LRRC43: variants seen among roughly 807,000 people sequenced by gnomAD.
LRRC43 encodes the protein leucine-rich repeat-containing protein 43.
Under a neutral mutation model 64.3 loss-of-function variants are expected in LRRC43, and 62 were observed. The ratio of observed to expected loss-of-function variants is 0.96; its 90% CI spans 0.79 to 1.19. LRRC43 has a LOEUF of 1.19. LRRC43 is among the 50% of genes most tolerant of loss of function. The pLI, the probability that LRRC43 is intolerant of heterozygous loss-of-function variation, is 0.00. For synonymous variants in LRRC43, 422 were observed against 382.3 expected (o/e 1.10, Z -1.21); for missense variants, 868 against 845.0 (o/e 1.03, Z -0.34).
chr12:122,181,941 C>G (rs1209405915), upstream of LRRC43, among the ~76,000 whole-genome samples: 1 of 151,840 alleles, frequency 6.6e-6, no homozygotes, highest in African/African-American at 2.4e-5. Context: ...GTCCCGATAT[C>G]GTATAGTCAA....
At chr12:122,172,470 T>G (rs756888105) in intron 1 of LRRC43, 3 of 1,614,228 alleles carry the variant, frequency 1.9e-6, no homozygotes, top group Non-Finnish European at 2.5e-6. Flanking sequence ...GTCCATGCAC[T>G]CTGAAAACTG....
At chr12:122,195,902 C>T (rs1392953530) in intron 7 of LRRC43, among the ~76,000 whole-genome samples, 1 of 152,126 alleles carries the variant, frequency 6.6e-6, no homozygotes, top group Non-Finnish European at 1.5e-5. Flanking sequence ...TCAGAAAACC[C>T]AAGGGAAACC....
intron 1 of LRRC43, among the ~76,000 whole-genome samples, chr12:122,170,414 A>G (rs1216337807): frequency 2.6e-5 from 4 of 152,020 alleles, no homozygotes; most frequent in African/African-American, 9.6e-5. Context: ...GGCGGATCAC[A>G]AGGTCAGGAG....
intron 1 of LRRC43, chr12:122,172,216 C>T: frequency 1.8e-6 from 1 of 545,330 alleles, no homozygotes; most frequent in Non-Finnish European, 3.3e-6. Flanking sequence ...AGACTAATAA[C>T]AATAACCTAA....
At chr12:122,169,442 G>T (rs11058875) in intron 1 of LRRC43, among the ~76,000 whole-genome samples, 1 of 151,986 alleles carries the variant, frequency 6.6e-6, no homozygotes, top group African/African-American at 2.4e-5. Flanking sequence ...CTAGTTGGGC[G>T]CAGTGGCTCA....
intron 4 of LRRC43, chr12:122,189,334 C>G: frequency 4.6e-6 from 2 of 439,090 alleles, no homozygotes; most frequent in South Asian, 3.3e-5. Context: ...ATGCCTGGAG[C>G]GGGCGGACGC....
intron 7 of LRRC43, among the ~76,000 whole-genome samples, chr12:122,199,836 G>A (rs996992140): frequency 6.6e-5 from 10 of 151,482 alleles, no homozygotes; most frequent in Admixed American, 1.3e-4. Context: ...CTCCTGTCTC[G>A]GCTTCCCAAA....
At chr12:122,172,832 G>T (rs1374575094) in intron 1 of LRRC43, 8 of 995,056 alleles carry the variant, frequency 8.0e-6, no homozygotes, top group Non-Finnish European at 1.2e-5. Flanking sequence ...TCCGTAACCC[G>T]CCTCGTTGAT....
chr12:122,185,914 C>T (rs1485399921), intron 2 of LRRC43, among the ~76,000 whole-genome samples: 1 of 152,194 alleles, frequency 6.6e-6, no homozygotes, highest in African/African-American at 2.4e-5. Context: ...AGAGAGGTTC[C>T]TGCCCTCGCA....
intron 7 of LRRC43, among the ~76,000 whole-genome samples, chr12:122,193,381 TAAAAAAAAAAAA>T (rs34910328): frequency 2.8e-4 from 13 of 47,184 alleles, no homozygotes; most frequent in East Asian, 8.3e-4. Context: ...CTCCGTCTCA[TAAAAAAAAAAAA>T]AAAAAAAAAA....
chr12:122,183,378 C>T (rs1489288540), intron 1 of LRRC43, 84 bp downstream of exon 1: 2 of 1,336,852 alleles, frequency 1.5e-6, no homozygotes, highest in Non-Finnish European at 1.9e-6. Context: ...GGGCTGGTCC[C>T]TGGGGCCTGG....
chr12:122,180,560 G>T (rs985333323), upstream of LRRC43, among the ~76,000 whole-genome samples: 11 of 152,084 alleles, frequency 7.2e-5, no homozygotes, highest in African/African-American at 2.7e-4. Context: ...AGACCACTGT[G>T]TCAAGAAGCT....
At chr12:122,189,303 T>G (rs1269406153) in intron 4 of LRRC43, 2 of 407,892 alleles carry the variant, frequency 4.9e-6, no homozygotes, top group Non-Finnish European at 9.8e-6. Context: ...GGGCATGCCC[T>G]TGGGGGGTCC....
chr12:122,195,911 C>A (rs958326958), intron 7 of LRRC43, among the ~76,000 whole-genome samples: 14 of 152,156 alleles, frequency 9.2e-5, no homozygotes, highest in African/African-American at 3.4e-4. Flanking sequence ...CCAAGGGAAA[C>A]CTGGAGTGTT....
rs150153906 is a variant in LRRC43, at chr12:122,200,300, G to A, written c.1461G>A (p.Ala487=). The A allele has an allele frequency of 5.0e-6, 8 of 1,612,076 alleles. No homozygotes were observed. Among genetic ancestry groups the A allele is most frequent in the Admixed American group, 1.7e-5 (1 of 60,020 alleles). Residue 487 remains alanine (A), a synonymous_variant, in exon 8 of 12, where the codon GCG becomes GCA. Transcript: ENST00000339777. The surrounding 1 kb of genome is among the most constrained non-coding windows in gnomAD (Gnocchi z 4.6). ...TCCCACTGAAGGCCTTCCTGCTGGCGGGGACCACCGTGACCATCGTGGAGG... is the reference window on the plus strand; with the variant it reads ...TCCCACTGAAGGCCTTCCTGCTGGCAGGGACCACCGTGACCATCGTGGAGG... ...DLVPLKAFLL[A]GTTVTIVEEK...
At position 122,190,320 on chromosome 12, in the gene LRRC43, G is replaced by A. The variant is rs201401336; in HGVS notation, c.853G>A (p.Val285Met). The part of the protein sequence containing the change: ...AQLCVLDDIT[V>M]SPNEKHLFRG... The stretch of plus-strand genomic sequence containing the variant: ...GCTCTGCGTGCTGGACGACATCACC[G>A]TGTCTCCCAATGAGAAGCATCTCTT... The change falls in exon 5 of 12, where the codon GTG becomes ATG. Residue 285 changes from valine (V) to methionine (M), a missense_variant. Transcript: ENST00000339777. 3.3e-5 allele frequency: 54 copies of A among 1,613,996 alleles called. No homozygotes were observed. The highest frequency in any genetic ancestry group is 4.2e-5 in the Non-Finnish European group (49 of 1,180,022).
chr12:122,201,169 C>T, intron 10 of LRRC43, 127 bp from the exon 11 acceptor site: 1 of 1,107,034 alleles, frequency 9.0e-7, no homozygotes, highest in Non-Finnish European at 1.3e-6. Flanking sequence ...GGGCAGCCAC[C>T]CTCACCAGGA....
chr12:122,173,025 C>T (rs1953502984), intron 1 of LRRC43, among the ~76,000 whole-genome samples: 1 of 152,152 alleles, frequency 6.6e-6, no homozygotes, highest in Non-Finnish European at 1.5e-5. Flanking sequence ...GTGGGAATTG[C>T]AGCACATCTG....
At chr12:122,186,364 C>T (rs986174403) in intron 3 of LRRC43, 64 bp downstream of exon 3, 23 of 1,051,978 alleles carry the variant, frequency 2.2e-5, no homozygotes, top group Non-Finnish European at 3.3e-5. Context: ...TTGCCTTACC[C>T]TGCCCCACAT....
Sources: allele counts gnomAD v4.1 joint callset (sites outside exome capture counted in the v4.1 genomes callset), GRCh38; gene constraint gnomAD v4.1.1; non-coding constraint Gnocchi (gnomAD v3.1); transcripts MANE v1.5; gene names NCBI Gene and HGNC (gene_info 2026-07-23, HGNC 2026-07-21).